TTC27: variants seen among roughly 807,000 people sequenced by gnomAD.
TTC27 encodes tetratricopeptide repeat domain 27, also known as tetratricopeptide repeat protein 27.
Under a neutral mutation model 115.9 loss-of-function variants are expected in TTC27, and 79 were observed. The observed-to-expected ratio is 0.68, with a 90% confidence interval of 0.57 to 0.82. The LOEUF is 0.82. TTC27 is among the 40% of genes least tolerant of loss of function. The pLI, the probability that TTC27 is intolerant of heterozygous loss-of-function variation, is 0.00. For synonymous variants in TTC27, 401 were observed against 356.0 expected (o/e 1.13, Z -1.42); for missense variants, 1,054 against 993.1 (o/e 1.06, Z -0.82).
chr2:32,630,350 G>A (rs1664133060), intron 1 of TTC27, among the ~76,000 whole-genome samples, 173 bp from the exon 2 acceptor site: 1 of 152,194 alleles, frequency 6.6e-6, no homozygotes, highest in South Asian at 2.1e-4. Flanking sequence ...GAGAGAGAAT[G>A]TTTGTAGAAT....
In TTC27 at chr2:32,760,707, A is replaced by G. The variant is rs1669406068; in HGVS notation, c.1680+2188A>G. The stretch of plus-strand genomic sequence containing the variant: ...TGCATATCTTGGAAGCTTCTGCCTA[A>G]AGTTTACCCTAGCTGCAGTTGCCTT... On this transcript the variant is annotated intron_variant, in intron 13 of 19. Transcript: ENST00000317907. Among the ~76,000 whole-genome samples, 4 of 152,112 alleles carry G rather than the reference A, an allele frequency of 2.6e-5. No individual in the cohort carries two copies. In the South Asian group the frequency reaches 6.2e-4, roughly 24 times the overall value.
intron 10 of TTC27, among the ~76,000 whole-genome samples, chr2:32,708,798 C>T (rs562969363): frequency 6.6e-6 from 1 of 152,092 alleles, no homozygotes; most frequent in South Asian, 2.1e-4. Context: ...GGGGCTTTCT[C>T]CTGGCTTAAC....
intron 15 of TTC27, among the ~76,000 whole-genome samples, chr2:32,786,766 A>G (rs534863200): frequency 1.7e-4 from 26 of 152,308 alleles, no homozygotes; most frequent in African/African-American, 6.0e-4. Context: ...TAGGAAAGGA[A>G]TATCTCTGTA....
intron 16 of TTC27, among the ~76,000 whole-genome samples, chr2:32,810,265 G>T (rs1311477884): frequency 1.3e-5 from 2 of 152,174 alleles, no homozygotes; most frequent in African/African-American, 4.8e-5. Flanking sequence ...GAGTTAGAAG[G>T]TTATTATAGC....
chr2:32,657,609 G>C (rs900785397), intron 5 of TTC27, among the ~76,000 whole-genome samples: 1 of 151,980 alleles, frequency 6.6e-6, no homozygotes, highest in Non-Finnish European at 1.5e-5. Context: ...AGACAAAGGG[G>C]TATCTGTTTC....
At chr2:32,646,566 T>TC (rs1664868977) in intron 4 of TTC27, among the ~76,000 whole-genome samples, 1 of 148,172 alleles carries the variant, frequency 6.7e-6, no homozygotes, top group East Asian at 2.0e-4. Context: ...GGTTTTTTTT[T>TC]TTTTTTTTTT....
At chr2:32,810,976 A>G in intron 16 of TTC27, 48 bp from the exon 17 acceptor site, 16 of 1,586,392 alleles carry the variant, frequency 1.0e-5, no homozygotes, top group Non-Finnish European at 1.4e-5. Flanking sequence ...TGTTTTTGTT[A>G]TTGTTTGTTG....
intron 8 of TTC27, among the ~76,000 whole-genome samples, chr2:32,674,554 A>T (rs938785470): frequency 2.6e-5 from 4 of 152,188 alleles, no homozygotes; most frequent in Non-Finnish European, 5.9e-5. Context: ...ATAAAAGTTG[A>T]ATTCAGTTCT....
At chr2:32,730,918 G>A (rs750991400) in intron 10 of TTC27, among the ~76,000 whole-genome samples, 28 of 151,994 alleles carry the variant, frequency 1.8e-4, no homozygotes, top group Non-Finnish European at 5.9e-5. Flanking sequence ...CATTGCACCC[G>A]GCCAAGCCTT....
At position 32,736,735 on chromosome 2, in the gene TTC27, T is replaced by C. The variant is rs370124809; in HGVS notation, c.1371T>C (p.Ser457=). The C allele has an allele frequency of 5.6e-6, 9 of 1,613,968 alleles. No individual in the cohort carries two copies. The highest frequency in any genetic ancestry group is 1.1e-5 in the South Asian group (1 of 91,080). ...ASLLFELGCT[S]SALQIFEKLE... is the part of the protein sequence containing the mutation. ...TGCTCTTTGAGTTGGGATGTACCAG[T>C]TCAGCCCTTCAGATATTTGAAAAGC... Residue 457 remains serine, a synonymous_variant, in exon 12 of 20, where the codon AGT becomes AGC. Coordinates refer to ENST00000317907, the MANE Select transcript of TTC27 (RefSeq NM_017735.5).
chr2:32,701,891 G>A (rs1667195536), intron 9 of TTC27, among the ~76,000 whole-genome samples: 3 of 151,746 alleles, frequency 2.0e-5, no homozygotes, highest in African/African-American at 2.4e-5. Flanking sequence ...CAGGCCTGCC[G>A]TCCAAGCTAC....
rs117102374 is a variant in TTC27 at position 32,762,164 on chromosome 2, T to G, written c.1680+3645T>G. On this transcript the variant is annotated intron_variant, in intron 13 of 19. Transcript: ENST00000317907. ...TTTGGTAGACAATGAAGAGAGGATG[T>G]TGGAGTCGGCTTTGAAAGACAGGTA... 2.0e-4 allele frequency among the ~76,000 whole-genome samples: 31 copies of G among 152,296 alleles called. No homozygotes were observed. In the East Asian group the frequency reaches 5.2e-3, roughly 26 times the overall value.
chr2:32,730,379 T>C (rs1441214079), intron 10 of TTC27, among the ~76,000 whole-genome samples: 1 of 152,196 alleles, frequency 6.6e-6, no homozygotes, highest in Non-Finnish European at 1.5e-5. Flanking sequence ...TCCAAGTGGC[T>C]TCACTTGCCG....
intron 9 of TTC27, among the ~76,000 whole-genome samples, chr2:32,683,700 A>G (rs1414513750): frequency 6.6e-6 from 1 of 152,224 alleles, no homozygotes; most frequent in African/African-American, 2.4e-5. Context: ...AGAGCCATTT[A>G]TGTTGTATCA....
intron 4 of TTC27, among the ~76,000 whole-genome samples, chr2:32,649,734 C>T (rs1665013818): frequency 6.6e-6 from 1 of 151,902 alleles, no homozygotes; most frequent in Non-Finnish European, 1.5e-5. Flanking sequence ...TTAATAGAGG[C>T]AGGGTTTCAC....
At chr2:32,685,496 G>T (rs1461431872) in intron 9 of TTC27, among the ~76,000 whole-genome samples, 1 of 152,024 alleles carries the variant, frequency 6.6e-6, no homozygotes, top group Non-Finnish European at 1.5e-5. Context: ...TATAAAATTG[G>T]ATAAAATATA....
chr2:32,782,464 A>G (rs1670213472), intron 14 of TTC27, among the ~76,000 whole-genome samples, 162 bp from the exon 15 acceptor site: 1 of 152,198 alleles, frequency 6.6e-6, no homozygotes, highest in African/African-American at 2.4e-5. Flanking sequence ...ATAAAAGTTC[A>G]GTTTGATTTA....
intron 8 of TTC27, among the ~76,000 whole-genome samples, chr2:32,674,605 T>A (rs1367462583): frequency 6.6e-6 from 1 of 152,044 alleles, no homozygotes; most frequent in African/African-American, 2.4e-5. Flanking sequence ...ACATACAGAG[T>A]TCTGTTTCTA....
chr2:32,650,092 G>A, intron 4 of TTC27, 39 bp from the exon 5 acceptor site: 2 of 1,513,812 alleles, frequency 1.3e-6, no homozygotes, highest in Non-Finnish European at 1.8e-6. Context: ...GTTTTCTAAA[G>A]TATCCTTTTA....
Sources: allele counts gnomAD v4.1 joint callset (sites outside exome capture counted in the v4.1 genomes callset), GRCh38; gene constraint gnomAD v4.1.1; transcripts MANE v1.5; gene names NCBI Gene and HGNC (gene_info 2026-07-23, HGNC 2026-07-21).